LHFPL3: variants seen among roughly 807,000 people sequenced by gnomAD.
The protein encoded by LHFPL3 is LHFPL tetraspan subfamily member 3.
LHFPL3 carries 5 observed loss-of-function variants against 19.3 expected under a neutral mutation model. The observed-to-expected ratio is 0.26, with a 90% CI of 0.14 to 0.54. The LOEUF is 0.54. Ranked by LOEUF, LHFPL3 falls within the 20% of genes least tolerant of loss-of-function variation. LHFPL3 has a pLI of 0.94. For synonymous variants in LHFPL3, 133 were observed against 126.2 expected (o/e 1.05, Z -0.36); for missense variants, 249 against 307.4 (o/e 0.81, Z 1.42).
At chr7:104,573,327 A>T (rs1790262986) in intron 1 of LHFPL3, among the ~76,000 whole-genome samples, 1 of 151,430 alleles carries the variant, frequency 6.6e-6, no homozygotes, top group Admixed American at 6.6e-5. Flanking sequence ...CACAAGAATC[A>T]CTTGAACCTG....
intron 1 of LHFPL3, among the ~76,000 whole-genome samples, chr7:104,565,769 ATCTAATCT>A (rs1366549784): frequency 7.2e-5 from 10 of 138,796 alleles, no homozygotes; most frequent in Non-Finnish European, 1.1e-4. Flanking sequence ...CTATCTATCT[ATCTAATCT>A]ATCTATCTGT....
intron 2 of LHFPL3, among the ~76,000 whole-genome samples, chr7:104,870,891 A>C (rs372724053): frequency 6.6e-6 from 1 of 152,168 alleles, no homozygotes; most frequent in Admixed American, 6.5e-5. Context: ...AAGGATCTCA[A>C]CTGTAACCTC....
intron 2 of LHFPL3, among the ~76,000 whole-genome samples, chr7:104,904,024 G>A (rs1562831366): frequency 6.6e-6 from 1 of 152,276 alleles, no homozygotes; most frequent in Admixed American, 6.5e-5. Flanking sequence ...TTCCACAGTG[G>A]TTGATTGTTT....
chr7:104,681,786 T>C (rs1019635359), intron 1 of LHFPL3, among the ~76,000 whole-genome samples: 1 of 152,196 alleles, frequency 6.6e-6, no homozygotes, highest in Non-Finnish European at 1.5e-5. Context: ...ACAAGTATTC[T>C]TTCAACAAAT....
intron 2 of LHFPL3, among the ~76,000 whole-genome samples, chr7:104,841,082 G>T (rs1206870847): frequency 6.6e-6 from 1 of 152,172 alleles, no homozygotes; most frequent in Non-Finnish European, 1.5e-5. Context: ...ACAGAGGAAA[G>T]TATGCTTCAC....
chr7:104,479,633 C>T (rs1168518122), intron 1 of LHFPL3, among the ~76,000 whole-genome samples: 1 of 152,162 alleles, frequency 6.6e-6, no homozygotes, highest in Non-Finnish European at 1.5e-5. Flanking sequence ...CTCATGTGAT[C>T]CACCTGCCTC....
At chr7:104,620,426 A>G (rs573704975) in intron 1 of LHFPL3, among the ~76,000 whole-genome samples, 3 of 152,310 alleles carry the variant, frequency 2.0e-5, no homozygotes, top group African/African-American at 7.2e-5. Flanking sequence ...TCTATACCTT[A>G]CCTCTTGCTT....
intron 1 of LHFPL3, among the ~76,000 whole-genome samples, chr7:104,511,528 C>A (rs1252399794): frequency 6.6e-6 from 1 of 152,164 alleles, no homozygotes. Flanking sequence ...GTATTCATGG[C>A]AGCTTCATTC....
At chr7:104,731,098 G>A (rs951528677) in intron 1 of LHFPL3, among the ~76,000 whole-genome samples, 1 of 152,102 alleles carries the variant, frequency 6.6e-6, no homozygotes, top group African/African-American at 2.4e-5. Flanking sequence ...CTGTTCTATT[G>A]GTCTCTATAT....
At chr7:104,388,614 T>A (rs1790997079) in intron 1 of LHFPL3, among the ~76,000 whole-genome samples, 1 of 152,100 alleles carries the variant, frequency 6.6e-6, no homozygotes, top group African/African-American at 2.4e-5. Context: ...AATATCTTTT[T>A]AAATATAGAC....
intron 2 of LHFPL3, among the ~76,000 whole-genome samples, chr7:104,790,880 AG>A (rs1790011459): frequency 6.6e-6 from 1 of 152,222 alleles, no homozygotes; most frequent in Admixed American, 6.5e-5. Flanking sequence ...AGACAGGACA[AG>A]CAAAAGTCAT....
chr7:104,565,759 CTAT>C, intron 1 of LHFPL3, among the ~76,000 whole-genome samples: 1 of 150,824 alleles, frequency 6.6e-6, no homozygotes, highest in East Asian at 2.0e-4. Context: ...ATCTATCTAT[CTAT>C]CTATCTATCT....
At chr7:104,864,952 G>C (rs1413399671) in intron 2 of LHFPL3, among the ~76,000 whole-genome samples, 2 of 152,132 alleles carry the variant, frequency 1.3e-5, no homozygotes, top group Non-Finnish European at 1.5e-5. Context: ...ACTGCTGATA[G>C]CCAGGCAAAC....
intron 1 of LHFPL3, among the ~76,000 whole-genome samples, chr7:104,352,290 A>G (rs1306273348): frequency 6.6e-6 from 1 of 152,150 alleles, no homozygotes; most frequent in Non-Finnish European, 1.5e-5. Flanking sequence ...TGAATAATAT[A>G]TGTAAATTAT....
intron 1 of LHFPL3, among the ~76,000 whole-genome samples, chr7:104,435,085 A>T (rs1290215112): frequency 6.6e-6 from 1 of 151,662 alleles, no homozygotes; most frequent in Non-Finnish European, 1.5e-5. Flanking sequence ...AAGGAAAAGA[A>T]AACATTTTAA....
At chr7:104,379,325 C>T (rs1031650074) in intron 1 of LHFPL3, among the ~76,000 whole-genome samples, 6 of 152,272 alleles carry the variant, frequency 3.9e-5, no homozygotes, top group South Asian at 2.1e-4. Flanking sequence ...GGGCCTCCCT[C>T]GGCACAGATC....
chr7:104,584,716 A>G (rs1436769188), intron 1 of LHFPL3, among the ~76,000 whole-genome samples: 1 of 152,138 alleles, frequency 6.6e-6, no homozygotes, highest in Admixed American at 6.6e-5. Flanking sequence ...TCTTAAGAAA[A>G]AATGCTCATA....
At chr7:104,578,425 C>T (rs1790385801) in intron 1 of LHFPL3, among the ~76,000 whole-genome samples, 1 of 152,218 alleles carries the variant, frequency 6.6e-6, no homozygotes, top group Non-Finnish European at 1.5e-5. Context: ...GTATCCCCTG[C>T]CTTCACCTGT....
intron 1 of LHFPL3, among the ~76,000 whole-genome samples, chr7:104,620,212 C>G (rs1426903797): frequency 6.6e-6 from 1 of 152,110 alleles, no homozygotes; most frequent in Non-Finnish European, 1.5e-5. Flanking sequence ...CTTGATACAT[C>G]AGAGAATCAA....
Sources: allele counts gnomAD v4.1 joint callset (sites outside exome capture counted in the v4.1 genomes callset), GRCh38; gene constraint gnomAD v4.1.1; transcripts MANE v1.5; gene names NCBI Gene and HGNC (gene_info 2026-07-23, HGNC 2026-07-21).